Variants in RGL1 observed in about 807,000 individuals in gnomAD.
RGL1 encodes ral guanine nucleotide dissociation stimulator-like 1.
Under a neutral mutation model 95.2 loss-of-function variants are expected in RGL1, and 24 were observed. The observed-to-expected ratio is 0.25, with a 90% CI of 0.18 to 0.35. The LOEUF (loss-of-function observed/expected upper bound fraction) is 0.35, where lower values mean the gene tolerates loss of function less well. Among genes scored for constraint, RGL1 ranks in the 10% least tolerant of loss-of-function variants. RGL1 has a pLI of 1.00. For synonymous variants in RGL1, 329 were observed against 344.9 expected (o/e 0.95, Z 0.51); for missense variants, 715 against 936.3 (o/e 0.76, Z 3.08).
intron 1 of RGL1, among the ~76,000 whole-genome samples, chr1:183,649,246 A>C (rs1650542324): frequency 6.6e-6 from 1 of 152,242 alleles, no homozygotes; most frequent in African/African-American, 2.4e-5. Flanking sequence ...AATGAATATA[A>C]AATGCTTCAC....
intron 1 of RGL1, among the ~76,000 whole-genome samples, chr1:183,687,902 GT>G (rs1165346745): frequency 6.6e-6 from 1 of 152,116 alleles, no homozygotes; most frequent in Non-Finnish European, 1.5e-5. Flanking sequence ...GGAAAACAAA[GT>G]GAGGGAAGAG....
intron 1 of RGL1, among the ~76,000 whole-genome samples, chr1:183,733,246 T>C (rs1271817377): frequency 2.0e-5 from 3 of 152,222 alleles, no homozygotes; most frequent in African/African-American, 7.2e-5. Flanking sequence ...CAACAGTTTT[T>C]ACTGAATTTA....
At chr1:183,745,291 T>C (rs1657554999) in intron 2 of RGL1, among the ~76,000 whole-genome samples, 1 of 152,324 alleles carries the variant, frequency 6.6e-6, no homozygotes, top group South Asian at 2.1e-4. Context: ...TTTCATGCAC[T>C]AAAACAATAT....
intron 1 of RGL1, among the ~76,000 whole-genome samples, chr1:183,636,669 T>A (rs1216635557): frequency 6.6e-6 from 1 of 152,122 alleles, no homozygotes; most frequent in Admixed American, 6.5e-5. Context: ...TTAGGCTCTC[T>A]AGTGCTGGGG....
chr1:183,919,548 A>G (rs1219219271), intron 16 of RGL1, among the ~76,000 whole-genome samples: 1 of 152,252 alleles, frequency 6.6e-6, no homozygotes, highest in Non-Finnish European at 1.5e-5. Flanking sequence ...CACACTGAGA[A>G]CTGGTGGCCT....
chr1:183,763,647 C>A (rs148437014), intron 2 of RGL1, among the ~76,000 whole-genome samples: 1 of 152,240 alleles, frequency 6.6e-6, no homozygotes, highest in African/African-American at 2.4e-5. Flanking sequence ...GACAGACTGG[C>A]CATGATGTGC....
chr1:183,662,522 T>G (rs1180783333), intron 1 of RGL1, among the ~76,000 whole-genome samples: 1 of 152,016 alleles, frequency 6.6e-6, no homozygotes, highest in Non-Finnish European at 1.5e-5. Context: ...AAGGACCTCT[T>G]CAAGGAGAAC....
In RGL1 at chr1:183,805,200, C is replaced by T; in HGVS notation, c.-98C>T. On this transcript the variant is annotated 5_prime_UTR_variant, in exon 1 of 18. Coordinates refer to ENST00000360851, the MANE Select transcript of RGL1 (RefSeq NM_001297671.3). ...CGCTGCGGTCGCTCGGGACCGGGAC[C>T]GGGGCGAGGCGCCGCGGGGCTGAGC... The T allele has an allele frequency of 6.5e-7, 1 of 1,531,302 alleles. No individual in the cohort carries two copies. The highest frequency in any genetic ancestry group is 8.8e-7 in the Non-Finnish European group (1 of 1,134,956). The allele number at this position is 1,531,302 out of a possible 1,614,324, so 94.9% of individuals were successfully genotyped here.
chr1:183,760,485 G>T (rs771070526), intron 2 of RGL1, among the ~76,000 whole-genome samples: 1 of 151,090 alleles, frequency 6.6e-6, no homozygotes, highest in South Asian at 2.1e-4. Context: ...TCATCCCAGC[G>T]CTGTGGGAGG....
At position 183,665,690 on chromosome 1, in the gene RGL1, G is replaced by T. The variant is rs183031973; in HGVS notation, c.-33+29189G>T. Among the ~76,000 whole-genome samples the T allele has an allele frequency of 1.2e-4, 18 of 152,246 alleles. 1 individual carries two copies. Among genetic ancestry groups the T allele is most frequent in the African/African-American group, 2.6e-4 (11 of 41,558 alleles). Reference sequence around the variant, plus strand: ...GCATAGATTGTTCATCATGCTCCTTGATTATCCTTTTAATGTCTGTGAGAT... The same window carrying T: ...GCATAGATTGTTCATCATGCTCCTTTATTATCCTTTTAATGTCTGTGAGAT... On this transcript the variant is annotated intron_variant, in intron 1 of 18. Transcript: ENST00000304685.
At chr1:183,862,767 A>G (rs965085563) in intron 3 of RGL1, among the ~76,000 whole-genome samples, 1 of 152,212 alleles carries the variant, frequency 6.6e-6, no homozygotes, top group Non-Finnish European at 1.5e-5. Flanking sequence ...AGCAACAGGT[A>G]GCTATTGCAT....
chr1:183,861,503 A>G (rs1467516722), intron 3 of RGL1, among the ~76,000 whole-genome samples: 6 of 152,236 alleles, frequency 3.9e-5, no homozygotes, highest in Non-Finnish European at 7.3e-5. Context: ...CCAGTTAAAC[A>G]TTGTACTGGT....
At chr1:183,749,789 G>T (rs1268292223) in intron 2 of RGL1, among the ~76,000 whole-genome samples, 2 of 152,178 alleles carry the variant, frequency 1.3e-5, no homozygotes, top group East Asian at 1.9e-4. Flanking sequence ...TTGCTTGTCT[G>T]TAAAGGACTG....
At chr1:183,779,887 A>G (rs1322639575) in intron 2 of RGL1, among the ~76,000 whole-genome samples, 1 of 152,156 alleles carries the variant, frequency 6.6e-6, no homozygotes, top group Non-Finnish European at 1.5e-5. Flanking sequence ...GTGTGGGTGA[A>G]GAATGTATTT....
At chr1:183,887,114 T>C (rs2102655698) in intron 7 of RGL1, among the ~76,000 whole-genome samples, 1 of 149,408 alleles carries the variant, frequency 6.7e-6, no homozygotes, top group East Asian at 2.0e-4. Context: ...AGGCTTAGTT[T>C]CCAGATTGCA....
intron 1 of RGL1, among the ~76,000 whole-genome samples, chr1:183,729,232 G>A (rs1054684630): frequency 1.3e-5 from 2 of 151,844 alleles, no homozygotes; most frequent in African/African-American, 4.8e-5. Context: ...TATAAGGACT[G>A]ATATCTAGAA....
intron 3 of RGL1, among the ~76,000 whole-genome samples, chr1:183,861,007 C>CT (rs980800632): frequency 5.3e-5 from 8 of 152,144 alleles, no homozygotes; most frequent in Admixed American, 1.3e-4. Flanking sequence ...GAAATCCCTG[C>CT]TGCACGTATT....
chr1:183,728,128 G>T (rs138997127), intron 1 of RGL1, among the ~76,000 whole-genome samples: 1 of 152,298 alleles, frequency 6.6e-6, no homozygotes, highest in Non-Finnish European at 1.5e-5. Context: ...TTGGTCTCCT[G>T]CAGTCAGACT....
At chr1:183,853,996 C>T (rs1317858690) in intron 3 of RGL1, among the ~76,000 whole-genome samples, 1 of 152,166 alleles carries the variant, frequency 6.6e-6, no homozygotes, top group Non-Finnish European at 1.5e-5. Flanking sequence ...TTTATCAGCT[C>T]TTTAATGTGT....
Sources: gnomAD v4.1 joint callset for allele counts (sites outside exome capture counted in the v4.1 genomes callset) on GRCh38, gnomAD v4.1.1 for gene constraint, MANE v1.5 for transcripts, NCBI Gene and HGNC (gene_info 2026-07-23, HGNC 2026-07-21) for gene names.